KATNAL1: variants seen among roughly 807,000 people sequenced by gnomAD.
KATNAL1 encodes the protein katanin p60 ATPase-containing subunit A-like 1.
In KATNAL1, 32 loss-of-function variants were observed where a neutral mutation model predicts 55.2. The observed-to-expected ratio is 0.58, with a 90% CI of 0.44 to 0.78. The LOEUF is 0.78. Ranked by LOEUF, KATNAL1 falls within the 30% of genes least tolerant of loss-of-function variation. The pLI, the probability that KATNAL1 is intolerant of heterozygous loss-of-function variation, is 0.00. For missense variants in KATNAL1, 466 were observed against 600.9 expected (o/e 0.78, Z 2.35); for synonymous variants, 193 against 193.6 (o/e 1.00, Z 0.02).
At chr13:30,225,599 A>G (rs1312280441) in intron 9 of KATNAL1, among the ~76,000 whole-genome samples, 1 of 151,956 alleles carries the variant, frequency 6.6e-6, no homozygotes, top group Non-Finnish European at 1.5e-5. Flanking sequence ...AACTCCTTTC[A>G]GTAAGTGATG....
At chr13:30,302,433 G>A (rs1882913179) in intron 1 of KATNAL1, among the ~76,000 whole-genome samples, 3 of 142,978 alleles carry the variant, frequency 2.1e-5, no homozygotes, top group African/African-American at 7.3e-5. Flanking sequence ...TCTCACAGAA[G>A]TAGGTCAGAA....
intron 1 of KATNAL1, among the ~76,000 whole-genome samples, chr13:30,294,555 T>C (rs1882354975): frequency 6.6e-6 from 1 of 152,220 alleles, no homozygotes; most frequent in African/African-American, 2.4e-5. Context: ...AGAAGCCTTT[T>C]CCATAACACA....
At chr13:30,216,177 A>G (rs890437589) in intron 9 of KATNAL1, among the ~76,000 whole-genome samples, 2 of 152,232 alleles carry the variant, frequency 1.3e-5, no homozygotes, top group African/African-American at 2.4e-5. Context: ...AAAGTTTAAA[A>G]GGAGGTAAAA....
In KATNAL1 at chr13:30,207,686, G is replaced by C. The variant is rs1320047077; in HGVS notation, c.*854C>G. ...GGAGGCTGAGACAGGAGAATTGCTT[G>C]AATCTAGGAGGCAGAGGTTGCAGTG... On this transcript the variant is annotated 3_prime_UTR_variant, in exon 11 of 11. Transcript: ENST00000380615. 1 of 152,244 alleles carries C rather than the reference G, an allele frequency of 6.6e-6. No homozygotes were observed. The highest frequency in any genetic ancestry group is 1.5e-5 in the Non-Finnish European group (1 of 68,074). 9.4% of individuals were successfully genotyped at this position (152,244 alleles called of 1,614,324 possible).
At chr13:30,210,650 G>GAAAAAAAAAA (rs33951005) in intron 9 of KATNAL1, 6 of 120,268 alleles carry the variant, frequency 5.0e-5, no homozygotes, top group Admixed American at 8.8e-5. Flanking sequence ...ACTAAAAATT[G>GAAAAAAAAAA]AAAAAAAAAA....
chr13:30,225,012 TTA>T (rs1461177976), intron 9 of KATNAL1, among the ~76,000 whole-genome samples: 12 of 152,320 alleles, frequency 7.9e-5, no homozygotes, highest in Non-Finnish European at 1.2e-4. Context: ...GTTCTCCTTA[TTA>T]GTGTGGGGCA....
In KATNAL1 at chr13:30,231,324, A is replaced by G; in HGVS notation, c.875T>C (p.Leu292Ser). Residue 292 changes from leucine (L) to serine (S), a missense_variant, in exon 7 of 11, where the codon TTG becomes TCG. Transcript: ENST00000380615. ...RGESEKLVRL[L>S]FEMARFYAPT... ...TATATCGTCACTCACCATCTCAAAC[A>G]ACAGACGAACTAACTTCTCAGATTC... 6.2e-7 allele frequency: 1 copy of G among 1,607,526 alleles called. No individual in the cohort carries two copies. The highest frequency in any genetic ancestry group is 1.3e-5 in the African/African-American group (1 of 74,898).
chr13:30,204,143 T>C lies in KATNAL1; in HGVS notation c.*4397A>G, dbSNP rs1872902389. On this transcript the variant is annotated 3_prime_UTR_variant, in exon 11 of 11. Coordinates refer to ENST00000380615, the MANE Select transcript of KATNAL1 (RefSeq NM_032116.5). Reference sequence around the variant, plus strand: ...TAAGTGGTTTCTTTAAAATATACAATCAAAACAGTTACGGAAAAAAAGATA... The same window carrying C: ...TAAGTGGTTTCTTTAAAATATACAACCAAAACAGTTACGGAAAAAAAGATA... 1 of 152,066 alleles carries C rather than the reference T, an allele frequency of 6.6e-6. No homozygotes were observed. Among genetic ancestry groups the C allele is most frequent in the Non-Finnish European group, 1.5e-5 (1 of 68,016 alleles). 9.4% of individuals were successfully genotyped at this position (152,066 alleles called of 1,614,324 possible).
intron 9 of KATNAL1, among the ~76,000 whole-genome samples, chr13:30,211,024 A>G (rs73163458): frequency 0.029 from 4,457 of 152,328 alleles, 114 homozygotes; most frequent in Non-Finnish European, 0.045. Flanking sequence ...TGTGAACTGA[A>G]TAAGTTCAAA....
chr13:30,203,675 C>T lies in KATNAL1; in HGVS notation c.*4865G>A, dbSNP rs906440031. On this transcript the variant is annotated 3_prime_UTR_variant, in exon 11 of 11. Coordinates refer to ENST00000380615, the MANE Select transcript of KATNAL1 (RefSeq NM_032116.5). Reference sequence around the variant, plus strand: ...AGGTAAAATAAATTTTATGACATTACCTAAATATTTTTCCTGTTTTTATTA... The same window carrying T: ...AGGTAAAATAAATTTTATGACATTATCTAAATATTTTTCCTGTTTTTATTA... 6 of 151,778 alleles carry T rather than the reference C, an allele frequency of 4.0e-5. No homozygotes were observed. Among genetic ancestry groups the T allele is most frequent in the African/African-American group, 1.5e-4 (6 of 41,310 alleles). The allele number at this position is 151,778 out of a possible 1,614,324, so 9.4% of individuals were successfully genotyped here.
Position 30,283,793 on chromosome 13 carries a change from T to C in KATNAL1, c.-14-2A>G, listed in dbSNP as rs1372172384. The C allele has an allele frequency of 6.3e-7, 1 of 1,591,964 alleles. No homozygotes were observed. Among genetic ancestry groups the C allele is most frequent in the East Asian group, 2.2e-5 (1 of 44,512 alleles). On this transcript the variant is annotated splice_acceptor_variant, in intron 1 of 10. Transcript: ENST00000380615. LOFTEE classifies it low-confidence loss of function (5UTR_SPLICE). ...CCAAATTCATCTTCTTTCAGAGACC[T>C]AAACATAAAATATAATGACTTTTTA...
intron 3 of KATNAL1, among the ~76,000 whole-genome samples, chr13:30,270,461 C>T (rs1473093107): frequency 1.3e-5 from 2 of 152,184 alleles, no homozygotes; most frequent in East Asian, 1.9e-4. Flanking sequence ...ATGACAATGG[C>T]GGTTTTGTGG....
At chr13:30,291,883 A>G (rs1260373829) in intron 1 of KATNAL1, among the ~76,000 whole-genome samples, 4 of 152,092 alleles carry the variant, frequency 2.6e-5, no homozygotes, top group African/African-American at 9.7e-5. Flanking sequence ...TAAAAATATA[A>G]AACTAGCCGG....
intron 1 of KATNAL1, chr13:30,296,621 C>A: frequency 1.4e-6 from 1 of 709,244 alleles, no homozygotes; most frequent in Non-Finnish European, 2.7e-6. Context: ...TGGTCCAGAC[C>A]ATCCAGTACA....
chr13:30,279,096 G>A (rs369239686), intron 3 of KATNAL1, among the ~76,000 whole-genome samples: 19 of 152,150 alleles, frequency 1.2e-4, no homozygotes, highest in Admixed American at 3.3e-4. Context: ...TATTTTCTAC[G>A]GTGCAATACT....
chr13:30,269,343 C>A (rs1194224916), intron 3 of KATNAL1, among the ~76,000 whole-genome samples: 1 of 152,224 alleles, frequency 6.6e-6, no homozygotes, highest in African/African-American at 2.4e-5. Flanking sequence ...CTCGGCCTCC[C>A]GAGGTGCCGG....
At chr13:30,238,415 A>C (rs1360963337) in intron 6 of KATNAL1, among the ~76,000 whole-genome samples, 1 of 152,208 alleles carries the variant, frequency 6.6e-6, no homozygotes, top group African/African-American at 2.4e-5. Context: ...GTCTGGATCC[A>C]GGATCTGTAC....
chr13:30,269,689 C>T (rs1429345559), intron 3 of KATNAL1, among the ~76,000 whole-genome samples: 1 of 151,892 alleles, frequency 6.6e-6, no homozygotes, highest in African/African-American at 2.4e-5. Flanking sequence ...GGCCGCGACC[C>T]CGTCTGGGAG....
At chr13:30,281,230 A>C (rs2137532605) in intron 2 of KATNAL1, among the ~76,000 whole-genome samples, 1 of 151,982 alleles carries the variant, frequency 6.6e-6, no homozygotes, top group Middle Eastern at 3.4e-3. Context: ...AGAGTATAAG[A>C]AATTTTCCCT....
Sources: gnomAD v4.1 joint callset for allele counts (sites outside exome capture counted in the v4.1 genomes callset) on GRCh38, gnomAD v4.1.1 for gene constraint, MANE v1.5 for transcripts, NCBI Gene and HGNC (gene_info 2026-07-23, HGNC 2026-07-21) for gene names.